Variants in PPP6R2 observed in about 807,000 individuals in gnomAD.
PPP6R2 encodes protein phosphatase 6 regulatory subunit 2.
Under a neutral mutation model 100.2 loss-of-function variants are expected in PPP6R2, and 62 were observed. The observed-to-expected ratio is 0.62, with a 90% CI of 0.50 to 0.76. The LOEUF is 0.76. PPP6R2 is among the 30% of genes least tolerant of loss of function. The pLI, the probability that PPP6R2 is intolerant of heterozygous loss-of-function variation, is 0.00. For synonymous variants in PPP6R2, 525 were observed against 514.7 expected (o/e 1.02, Z -0.27); for missense variants, 1,142 against 1,276.3 (o/e 0.89, Z 1.60).
chr22:50,379,739 G>A (rs1440341332), intron 2 of PPP6R2, among the ~76,000 whole-genome samples: 1 of 152,040 alleles, frequency 6.6e-6, no homozygotes, highest in African/African-American at 2.4e-5. Flanking sequence ...AATTAGCTGG[G>A]CATGGTGGCA....
rs1343350553 is a variant in PPP6R2, at chr22:50,443,978, G to A, written c.2692G>A (p.Ala898Thr). ...PPEATVAITT[A>T]LSKAGPAIPT... is the part of the protein sequence containing the mutation. ...CGAGGCTACTGTGGCCATCACCACA[G>A]CACTGAGCAAGGCTGGCCCCGCCAT... is the stretch of plus-strand genomic sequence containing the variant. The change falls in exon 23 of 24, where the codon GCA (alanine) becomes ACA (threonine). Residue 898 changes from alanine to threonine, a missense_variant. Transcript: ENST00000612753. 1 of 1,612,310 alleles carries A rather than the reference G, an allele frequency of 6.2e-7. No individual in the cohort carries two copies. Among genetic ancestry groups the A allele is most frequent in the African/African-American group, 1.3e-5 (1 of 74,934 alleles).
intron 10 of PPP6R2, among the ~76,000 whole-genome samples, chr22:50,426,967 T>A (rs2062249060): frequency 1.3e-5 from 2 of 151,682 alleles, no homozygotes; most frequent in Non-Finnish European, 1.5e-5. Flanking sequence ...GGTGGGTGGA[T>A]CATGAGGTCA....
upstream of PPP6R2, among the ~76,000 whole-genome samples, chr22:50,339,352 G>GGTGT: frequency 6.9e-6 from 1 of 144,712 alleles, no homozygotes; most frequent in Non-Finnish European, 1.5e-5. Context: ...TGTAGTGTGT[G>GGTGT]GTATGTGGTG....
intron 2 of PPP6R2, among the ~76,000 whole-genome samples, chr22:50,388,777 C>T (rs936305085): frequency 6.6e-6 from 1 of 151,134 alleles, no homozygotes; most frequent in Non-Finnish European, 1.5e-5. Flanking sequence ...GAGGCTGAGG[C>T]AGGAAAATGG....
In PPP6R2 at chr22:50,434,627, T is replaced by C. The variant is rs536411441; in HGVS notation, c.1401-339T>C. The stretch of plus-strand genomic sequence containing the variant: ...TGCTGGGCAGGGGCCGGGCATTTGC[T>C]CTGGAGGAGGGCCGGGGGCATGGAT... On this transcript the variant is annotated intron_variant, in intron 12 of 23. Transcript: ENST00000612753. Among the ~76,000 whole-genome samples, 332 of 67,820 alleles carry C rather than the reference T, an allele frequency of 4.9e-3. 41 individuals carry two copies. The highest frequency in any genetic ancestry group is 6.1e-3 in the Non-Finnish European group (228 of 37,170). 44.5% of individuals were successfully genotyped at this position (67,820 alleles called of 152,430 possible). A position where few individuals can be genotyped will look rare whatever the true frequency, so the allele number is the denominator to read the frequency against.
chr22:50,384,344 A>G (rs923941974), intron 2 of PPP6R2, among the ~76,000 whole-genome samples: 1 of 152,284 alleles, frequency 6.6e-6, no homozygotes, highest in East Asian at 1.9e-4. Flanking sequence ...TCACGAGGTC[A>G]GTAGACCGAG....
At chr22:50,356,703 G>A (rs1296604935) in intron 1 of PPP6R2, among the ~76,000 whole-genome samples, 3 of 152,002 alleles carry the variant, frequency 2.0e-5, no homozygotes, top group South Asian at 2.1e-4. Context: ...AAAGGAGGCC[G>A]AGGCGGGTGG....
intron 22 of PPP6R2, among the ~76,000 whole-genome samples, chr22:50,441,892 A>AG (rs35403603): frequency 6.6e-6 from 1 of 152,050 alleles, no homozygotes; most frequent in African/African-American, 2.4e-5. Flanking sequence ...GGTAAACCTG[A>AG]GGGGGAGGGT....
Position 50,422,321 on chromosome 22 carries a change from C to T in PPP6R2, c.913C>T (p.Leu305=). The T allele has an allele frequency of 6.2e-7, 1 of 1,614,172 alleles. No individual in the cohort carries two copies. The highest frequency in any genetic ancestry group is 8.5e-7 in the Non-Finnish European group (1 of 1,180,028). The change falls in exon 9 of 24, where the codon CTA becomes TTA. Residue 305 remains leucine (L), a synonymous_variant. Transcript: ENST00000612753. ...GTCATACGCTGTCAGCAGCAGCGTA[C>T]TACACGGCATCGAGCCTCGGCTGAA... The part of the protein sequence containing the change: ...ERSYAVSSSV[L]HGIEPRLKDF...
In PPP6R2 at chr22:50,389,637, C is replaced by T. The variant is rs557687037; in HGVS notation, c.-16-4256C>T. ...GGCGTGATCTCGGCTCTCGCTCTGT[C>T]GCCCAGGCTGGAGTGTAGTGGCGTG... On this transcript the variant is annotated intron_variant, in intron 2 of 23. Coordinates refer to ENST00000612753, the MANE Select transcript of PPP6R2 (RefSeq NM_001242898.2). Among the ~76,000 whole-genome samples the T allele has an allele frequency of 8.0e-5, 12 of 150,010 alleles. No individual in the cohort carries two copies. The East Asian group carries it at 2.2e-3, about 27-fold the overall frequency.
the PPP6R2 span, among the ~76,000 whole-genome samples, chr22:50,334,835 C>T: frequency 1.3e-5 from 2 of 152,018 alleles, no homozygotes; most frequent in South Asian, 2.1e-4. Flanking sequence ...GGTGTGGTGT[C>T]GCGTGCCTGT....
intron 3 of PPP6R2, among the ~76,000 whole-genome samples, chr22:50,399,428 G>A (rs1486456487): frequency 1.3e-5 from 2 of 152,252 alleles, no homozygotes; most frequent in Non-Finnish European, 2.9e-5. Flanking sequence ...AGCAGCACCT[G>A]TGCTTCGCGA....
In PPP6R2 at chr22:50,410,436, T is replaced by A. The variant is rs565618653; in HGVS notation, c.414+3561T>A. Among the ~76,000 whole-genome samples, 16 of 151,836 alleles carry A rather than the reference T, an allele frequency of 1.1e-4. No individual in the cohort carries two copies. In the South Asian group the frequency reaches 3.3e-3, roughly 32 times the overall value. ...ATCTTTCACTAGATTTATTCTTAGG[T>A]ATTTGATATCTTTGTATTATTTTGA... On this transcript the variant is annotated intron_variant, in intron 4 of 23. Coordinates refer to ENST00000612753, the MANE Select transcript of PPP6R2 (RefSeq NM_001242898.2).
At chr22:50,441,664 G>C in intron 22 of PPP6R2, among the ~76,000 whole-genome samples, 1 of 136,230 alleles carries the variant, frequency 7.3e-6, no homozygotes, top group African/African-American at 2.5e-5. Flanking sequence ...GCTCCCTTGA[G>C]CCCCCAAGAG....
intron 2 of PPP6R2, among the ~76,000 whole-genome samples, chr22:50,383,183 G>A (rs2053496645): frequency 1.3e-5 from 2 of 152,048 alleles, no homozygotes; most frequent in Non-Finnish European, 2.9e-5. Flanking sequence ...GAATACTCAA[G>A]GTGTGATTGA....
In PPP6R2 at chr22:50,419,440, T is replaced by C; in HGVS notation, c.823T>C (p.Leu275=). 1 of 1,614,158 alleles carries C rather than the reference T, an allele frequency of 6.2e-7. No homozygotes were observed. Among genetic ancestry groups the C allele is most frequent in the East Asian group, 2.2e-5 (1 of 44,892 alleles). The change falls in exon 8 of 24, where the codon TTG becomes CTG. Residue 275 remains leucine (L), a synonymous_variant. Transcript: ENST00000612753. ...CAGTGGGACTCAGGTGTTACTCACC[T>C]TGCTGGAAACCAGGCGGGTTGGGTG... is the stretch of plus-strand genomic sequence containing the variant. ...LVSGTQVLLT[L]LETRRVGTEG...
At chr22:50,416,382 G>T (rs1204254357) in intron 6 of PPP6R2, among the ~76,000 whole-genome samples, 7 of 151,054 alleles carry the variant, frequency 4.6e-5, no homozygotes, top group Admixed American at 4.6e-4. Flanking sequence ...GGGCTGGAGT[G>T]CAGTGGTGCA....
chr22:50,397,617 A>T (rs7410409), intron 3 of PPP6R2, among the ~76,000 whole-genome samples: 2 of 37,664 alleles, frequency 5.3e-5, no homozygotes, highest in Non-Finnish European at 9.3e-5. Context: ...GGATGGGGGC[A>T]GGGGGGCCTG....
At chr22:50,338,318 TGTGGTGTGTGTGTG>T (rs2042326311), upstream of PPP6R2, among the ~76,000 whole-genome samples, 3 of 148,916 alleles carry the variant, frequency 2.0e-5, no homozygotes, top group Admixed American at 6.7e-5. Context: ...GTGTGTGGTG[TGTGGTGTGTGTGTG>T]GTATATGTAG....
Sources: allele counts gnomAD v4.1 joint callset (sites outside exome capture counted in the v4.1 genomes callset), GRCh38; gene constraint gnomAD v4.1.1; transcripts MANE v1.5; gene names NCBI Gene and HGNC (gene_info 2026-07-23, HGNC 2026-07-21).